ZNF585B: variants seen among roughly 807,000 people sequenced by gnomAD.
ZNF585B encodes zinc finger protein 41-like protein.
ZNF585B carries 7 observed loss-of-function variants against 14.0 expected under a neutral mutation model. The observed-to-expected ratio is 0.50, with a 90% confidence interval of 0.28 to 0.94. ZNF585B has a LOEUF of 0.94. Among genes scored for constraint, ZNF585B ranks in the 40% least tolerant of loss-of-function variants. The probability of loss-of-function intolerance (pLI) is 0.09; values close to 1 mark genes in which losing one functional copy is unlikely to be tolerated. For synonymous variants in ZNF585B, 290 were observed against 317.3 expected, an observed-to-expected ratio of 0.91 and a Z score of 0.91; for missense variants, 750 against 924.4, an observed-to-expected ratio of 0.81 and a Z score of 2.45.
intron 2 of ZNF585B, among the ~76,000 whole-genome samples, chr19:37,191,931 T>C (rs1972406100): frequency 6.6e-6 from 1 of 151,628 alleles, no homozygotes; most frequent in South Asian, 2.1e-4. Flanking sequence ...TCAGGAGGCT[T>C]AGGCAGGAGA....
rs1232050832 is a variant in ZNF585B, at chr19:37,199,544, G to A, written c.72+7496C>T. On this transcript the variant is annotated intron_variant, in intron 2 of 4. Transcript: ENST00000532828. ...GTTTCAAAAAACAATTAAAATAACA[G>A]TTTGTCCAGGAAGAAACCTCCTCAC... The A allele has an allele frequency of 6.8e-6, 3 of 440,236 alleles. No individual in the cohort carries two copies. The East Asian group carries it at 2.2e-4, about 33-fold the overall frequency. 27.3% of individuals were successfully genotyped at this position (440,236 alleles called of 1,614,324 possible). A position where few individuals can be genotyped will look rare whatever the true frequency, so the allele number is the denominator to read the frequency against.
rs1345859970 is a variant in ZNF585B at position 37,186,955 on chromosome 19, G to C, written c.582C>G (p.Ser194=). ...TGAAAAGAGACGATACTTGAAAAAA[G>C]GATTTTCCACATTCATTGCACTTAT... ...KPYKCNECGK[S]FFQVSSLFRH... The change falls in exon 5 of 5, where the codon TCC becomes TCG. Residue 194 remains serine (S), a synonymous_variant. Transcript: ENST00000532828. The C allele has an allele frequency of 1.2e-5, 19 of 1,613,964 alleles. No individual in the cohort carries two copies. The highest frequency in any genetic ancestry group is 1.6e-4 in the Middle Eastern group (1 of 6,084).
chr19:37,189,041 G>C (rs1235320641), intron 4 of ZNF585B, among the ~76,000 whole-genome samples: 1 of 151,734 alleles, frequency 6.6e-6, no homozygotes, highest in Non-Finnish European at 1.5e-5. Flanking sequence ...GGGTTCAAGT[G>C]ACTCTTGTGC....
At position 37,185,950 on chromosome 19, in the gene ZNF585B, T is replaced by G. The variant is rs2145430037; in HGVS notation, c.1587A>C (p.Lys529Asn). ...TAAGATTTGACTTCTGAGTAAAGGC[T>G]TTTCCACAAGTATTGCATTCATAAG... ...EKPYECNTCG[K>N]AFTQKSNLNI... Residue 529 changes from lysine to asparagine, a missense_variant, in exon 5 of 5, where the codon AAA (lysine) becomes AAC (asparagine). Transcript: ENST00000532828. 6.2e-7 allele frequency: 1 copy of G among 1,614,008 alleles called. No homozygotes were observed. Among genetic ancestry groups the G allele is most frequent in the South Asian group, 1.1e-5 (1 of 91,072 alleles).
chr19:37,186,171 G>C lies in ZNF585B; in HGVS notation c.1366C>G (p.His456Asp), dbSNP rs768410722. 12 of 1,614,034 alleles carry C rather than the reference G, an allele frequency of 7.4e-6. No homozygotes were observed. Among genetic ancestry groups the C allele is most frequent in the Non-Finnish European group, 1.0e-5 (12 of 1,180,046 alleles). The change falls in exon 5 of 5, where the codon CAT (histidine) becomes GAT (aspartate). Residue 456 changes from histidine (H) to aspartate (D), a missense_variant. Around this residue, in one of 2 missense-constraint regions of ZNF585B, gnomAD observed 517 missense variants for 570.3 expected, o/e 0.91. Coordinates refer to ENST00000532828, the MANE Select transcript of ZNF585B (RefSeq NM_152279.4). ...LFTSKSQLHVHKRIHTGEKPY... is the reference protein window; with the variant it reads ...LFTSKSQLHVDKRIHTGEKPY... The stretch of plus-strand genomic sequence containing the variant: ...TTTTCTCCTGTGTGAATTCGTTTAT[G>C]AACATGGAGTTGTGACTTGGAAGTA...
At chr19:37,203,368 T>A (rs12977133) in intron 2 of ZNF585B, among the ~76,000 whole-genome samples, 62 of 150,402 alleles carry the variant, frequency 4.1e-4, no homozygotes, top group Admixed American at 4.0e-3. Context: ...TAATTCCAGC[T>A]AGGAGGGAGG....
At chr19:37,193,415 G>A (rs1318040957) in intron 2 of ZNF585B, among the ~76,000 whole-genome samples, 1 of 151,720 alleles carries the variant, frequency 6.6e-6, no homozygotes, top group Non-Finnish European at 1.5e-5. Context: ...AGCTTGCAGT[G>A]GGCCGAGATT....
intron 4 of ZNF585B, 40 bp from the exon 5 acceptor site, chr19:37,187,284 T>G (rs1453451597): frequency 1.4e-6 from 2 of 1,414,200 alleles, no homozygotes; most frequent in Non-Finnish European, 1.9e-6. Context: ...AAAGACATTT[T>G]ACCATAGTTA....
At chr19:37,191,523 A>C (rs55825113) in intron 2 of ZNF585B, among the ~76,000 whole-genome samples, 82,114 of 151,498 alleles carry the variant, frequency 0.54, 23,514 homozygotes, top group African/African-American at 0.72. Flanking sequence ...GAGGCTGAGG[A>C]GGGAGAATCA....
Position 37,190,130 on chromosome 19 carries a change from A to C in ZNF585B, c.93T>G (p.Asp31Glu). Residue 31 changes from aspartate (D) to glutamate (E), a missense_variant, in exon 3 of 5, where the codon GAT (aspartate) becomes GAG (glutamate). Physicochemically the swap from Asp to Glu is conservative, Grantham distance 45. Coordinates refer to ENST00000532828, the MANE Select transcript of ZNF585B (RefSeq NM_152279.4). ...SSYEGSVSFR[D>E]VAIDFSREEW... ...CCTCTCTGCTGAAATCGATAGCCAC[A>C]TCCCTGAAGGACACTGATCCCTGTA... is the stretch of plus-strand genomic sequence containing the variant. 1.9e-6 allele frequency: 3 copies of C among 1,614,178 alleles called. No homozygotes were observed. Among genetic ancestry groups the C allele is most frequent in the Non-Finnish European group, 2.5e-6 (3 of 1,180,024 alleles).
chr19:37,190,372 A>T (rs941996620), intron 2 of ZNF585B: 2 of 440,956 alleles, frequency 4.5e-6, no homozygotes, highest in Non-Finnish European at 7.8e-6. Context: ...CAGCCTCCTG[A>T]GTAGCTGGGA....
rs1463760333 is a variant in ZNF585B, at chr19:37,184,408, G to GAA, written c.*817_*818dup. On this transcript the variant is annotated 3_prime_UTR_variant, in exon 5 of 5. Coordinates refer to ENST00000532828, the MANE Select transcript of ZNF585B (RefSeq NM_152279.4). ...AGAAAGAAAGAAAGAAAGAAAGAAA[G>GAA]AAAGAAAGAGAAAGAAAGAAAAAGA... 2 of 53,976 alleles carry GAA rather than the reference G, an allele frequency of 3.7e-5. No homozygotes were observed. The highest frequency in any genetic ancestry group is 1.9e-4 in the African/African-American group (2 of 10,644). 3.3% of individuals were successfully genotyped at this position (53,976 alleles called of 1,614,324 possible).
At chr19:37,189,458 C>T in intron 4 of ZNF585B, 1 of 577,424 alleles carries the variant, frequency 1.7e-6, no homozygotes, top group East Asian at 3.0e-5. Flanking sequence ...GGCTGACTGG[C>T]ACATGACTTA....
chr19:37,188,840 C>T (rs959526785), intron 4 of ZNF585B, among the ~76,000 whole-genome samples: 9 of 152,114 alleles, frequency 5.9e-5, no homozygotes, highest in African/African-American at 2.2e-4. Context: ...AAGTCATTAG[C>T]TGGATGAAAG....
chr19:37,207,615 C>A (rs1263144213), intron 1 of ZNF585B, among the ~76,000 whole-genome samples: 1 of 152,024 alleles, frequency 6.6e-6, no homozygotes, highest in East Asian at 1.9e-4. Flanking sequence ...CACTTTTCAA[C>A]AATGAGAATA....
Position 37,183,356 on chromosome 19 carries a change from C to T in ZNF585B, c.*1871G>A, listed in dbSNP as rs781047714. The T allele has an allele frequency of 7.9e-5, 12 of 152,176 alleles. 1 individual carries two copies. The highest frequency in any genetic ancestry group is 7.2e-4 in the Admixed American group (11 of 15,260). 9.4% of individuals were successfully genotyped at this position (152,176 alleles called of 1,614,324 possible). A position where few individuals can be genotyped will look rare whatever the true frequency, so the allele number is the denominator to read the frequency against. On this transcript the variant is annotated 3_prime_UTR_variant, in exon 5 of 5. Coordinates refer to ENST00000532828, the MANE Select transcript of ZNF585B (RefSeq NM_152279.4). ...ACAGAAAAAAATCAGACAGAAGTCA[C>T]GCAACAAGCATGGGTCAACTCTCCA...
In ZNF585B at chr19:37,184,419, A is replaced by G. The variant is rs1367451190; in HGVS notation, c.*808T>C. ...AAGAAAGAAAGAAAGAAAGAAAGAG[A>G]AAGAAAGAAAAAGAAAGAAAGAAGG... On this transcript the variant is annotated 3_prime_UTR_variant, in exon 5 of 5. Coordinates refer to ENST00000532828, the MANE Select transcript of ZNF585B (RefSeq NM_152279.4). 3.8e-3 allele frequency: 407 copies of G among 106,270 alleles called. 20 individuals carry two copies. Among genetic ancestry groups the G allele is most frequent in the African/African-American group, 0.017 (379 of 22,882 alleles). 6.6% of individuals were successfully genotyped at this position (106,270 alleles called of 1,614,324 possible).
rs571563763 is a variant in ZNF585B at position 37,208,063 on chromosome 19, C to A, written c.-143-809G>T. Among the ~76,000 whole-genome samples, 173 of 152,256 alleles carry A rather than the reference C, an allele frequency of 1.1e-3. 3 individuals carry two copies. Among genetic ancestry groups the A allele is most frequent in the Middle Eastern group, 3.4e-3 (1 of 294 alleles). Reference sequence around the variant, plus strand: ...CCTCATCTCACTGCAACCTCCACCTCCAGAGTTCAAGTGATTCTACTGCCT... The same window carrying A: ...CCTCATCTCACTGCAACCTCCACCTACAGAGTTCAAGTGATTCTACTGCCT... On this transcript the variant is annotated intron_variant, in intron 1 of 4. Transcript: ENST00000532828.
chr19:37,206,678 T>C (rs918874415), intron 2 of ZNF585B, among the ~76,000 whole-genome samples: 2 of 152,102 alleles, frequency 1.3e-5, no homozygotes, highest in African/African-American at 4.8e-5. Context: ...AGAGAAAACA[T>C]TTGTGTTTGA....
Sources: allele counts gnomAD v4.1 joint callset (sites outside exome capture counted in the v4.1 genomes callset), GRCh38; gene constraint gnomAD v4.1.1; regional missense constraint gnomAD v4.1.1; transcripts MANE v1.5; gene names NCBI Gene and HGNC (gene_info 2026-07-23, HGNC 2026-07-21).